KALRN: variants seen among roughly 807,000 people sequenced by gnomAD.
KALRN encodes kalirin RhoGEF kinase, also known as kalirin.
A neutral mutation model predicts 353.7 loss-of-function variants in KALRN; 70 were observed. That is an observed-to-expected ratio of 0.20 (90% CI 0.16 to 0.24). The LOEUF (loss-of-function observed/expected upper bound fraction) is 0.24, where lower values mean the gene tolerates loss of function less well. Among genes scored for constraint, KALRN ranks in the 10% least tolerant of loss-of-function variants. KALRN has a pLI of 1.00. For missense variants in KALRN, 2,791 were observed against 3,756.7 expected, an observed-to-expected ratio of 0.74 and a Z score of 6.72; for synonymous variants, 1,391 against 1,434.8, an observed-to-expected ratio of 0.97 and a Z score of 0.69.
At chr3:124,602,382 G>A (rs1004220969) in intron 34 of KALRN, among the ~76,000 whole-genome samples, 2 of 152,110 alleles carry the variant, frequency 1.3e-5, no homozygotes, top group Non-Finnish European at 2.9e-5. Context: ...GCAAGGACAG[G>A]GTTTCAACTC....
chr3:124,040,913 A>C (rs1176545055), intron 1 of KALRN, among the ~76,000 whole-genome samples: 1 of 152,220 alleles, frequency 6.6e-6, no homozygotes, highest in Non-Finnish European at 1.5e-5. Flanking sequence ...AGGGTGCCAG[A>C]GAGGCAACAT....
rs2076509292 is a variant in KALRN at position 124,292,533 on chromosome 3, C to T, written c.970-6258C>T. Among the ~76,000 whole-genome samples the T allele has an allele frequency of 2.0e-5, 3 of 152,158 alleles. No homozygotes were observed. The South Asian group carries it at 6.2e-4, about 32-fold the overall frequency. On this transcript the variant is annotated intron_variant, in intron 5 of 59. Coordinates refer to ENST00000682506, the MANE Select transcript of KALRN (RefSeq NM_001388419.1). ...AGGGACAGCAGGAAGGCACCAGTGC[C>T]CTCAGGCAGAGCCCTGAGAGGGTGT...
At chr3:124,672,148 A>T (rs1191676990) in intron 48 of KALRN, among the ~76,000 whole-genome samples, 1 of 152,092 alleles carries the variant, frequency 6.6e-6, no homozygotes, top group Non-Finnish European at 1.5e-5. Flanking sequence ...GGGTTTCACC[A>T]TGTTGGCCAG....
chr3:124,670,124 C>A (rs1435576657), intron 47 of KALRN, among the ~76,000 whole-genome samples: 1 of 152,204 alleles, frequency 6.6e-6, no homozygotes. Context: ...GTGTATGCCA[C>A]CAATACAAAA....
At chr3:124,607,761 C>T (rs1328048397) in intron 34 of KALRN, among the ~76,000 whole-genome samples, 1 of 151,866 alleles carries the variant, frequency 6.6e-6, no homozygotes, top group Non-Finnish European at 1.5e-5. Flanking sequence ...GGATTATAGA[C>T]ATGTACCACT....
Position 124,136,364 on chromosome 3 carries a change from A to T in KALRN, c.74-91626A>T, listed in dbSNP as rs1176437366. ...GTGGGCCCAAGAATTTATACTTCTC[A>T]CAAGTTCCCAGGTGATGCTGATGCT... is the stretch of plus-strand genomic sequence containing the variant. On this transcript the variant is annotated intron_variant, in intron 1 of 59. Transcript: ENST00000682506. Among the ~76,000 whole-genome samples the T allele has an allele frequency of 5.3e-5, 8 of 152,168 alleles. 1 individual carries two copies. The highest frequency in any genetic ancestry group is 1.9e-4 in the African/African-American group (8 of 41,440).
chr3:124,376,340 C>G (rs1020751836), intron 10 of KALRN, among the ~76,000 whole-genome samples: 1 of 152,210 alleles, frequency 6.6e-6, no homozygotes, highest in Non-Finnish European at 1.5e-5. Context: ...AGGGAACTTA[C>G]TTGTTCCCTT....
chr3:124,205,894 CATT>C (rs2076369974), intron 1 of KALRN, among the ~76,000 whole-genome samples: 1 of 152,102 alleles, frequency 6.6e-6, no homozygotes, highest in Admixed American at 6.5e-5. Context: ...CCCCTGTGCT[CATT>C]ATTCTGTTTC....
At chr3:124,654,578 A>G (rs2083790177) in intron 38 of KALRN, among the ~76,000 whole-genome samples, 1 of 152,230 alleles carries the variant, frequency 6.6e-6, no homozygotes, top group South Asian at 2.1e-4. Context: ...GCCCCTGTGC[A>G]CAACTTTAGC....
chr3:124,109,125 G>T (rs1169353110), intron 1 of KALRN, among the ~76,000 whole-genome samples: 2 of 152,042 alleles, frequency 1.3e-5, no homozygotes, highest in African/African-American at 2.4e-5. Context: ...GTCTGCCTAG[G>T]TTAATTAGAT....
intron 1 of KALRN, among the ~76,000 whole-genome samples, chr3:124,157,080 T>A (rs2069110278): frequency 6.6e-6 from 1 of 152,240 alleles, no homozygotes; most frequent in Admixed American, 6.5e-5. Flanking sequence ...AGATATTAGA[T>A]GCCATTAGTT....
At chr3:124,702,237 GA>G (rs1174762567) in intron 57 of KALRN, 121 bp downstream of exon 57, 6 of 556,698 alleles carry the variant, frequency 1.1e-5, no homozygotes, top group Non-Finnish European at 1.8e-5. Context: ...TCCATAGCAA[GA>G]AAAAAACTAA....
At chr3:124,623,494 A>T (rs182813704) in intron 34 of KALRN, among the ~76,000 whole-genome samples, 5 of 152,098 alleles carry the variant, frequency 3.3e-5, no homozygotes, top group Middle Eastern at 3.4e-3. Flanking sequence ...GCTGAGAAGC[A>T]AGGAGAGCCA....
chr3:124,274,861 A>G (rs1188620797), intron 5 of KALRN, among the ~76,000 whole-genome samples: 1 of 152,128 alleles, frequency 6.6e-6, no homozygotes, highest in Non-Finnish European at 1.5e-5. Context: ...TAATTTTTAA[A>G]TGCCTTCCTG....
intron 5 of KALRN, among the ~76,000 whole-genome samples, chr3:124,277,241 C>T (rs7653893): frequency 0.02 from 3,101 of 152,270 alleles, 40 homozygotes; most frequent in Middle Eastern, 0.034. Context: ...CTGTGACCTT[C>T]GGGTTGGCCA....
chr3:124,227,289 G>T (rs528596336), intron 1 of KALRN, among the ~76,000 whole-genome samples: 1 of 152,284 alleles, frequency 6.6e-6, no homozygotes, highest in Non-Finnish European at 1.5e-5. Flanking sequence ...GTTAAACAAG[G>T]TAGTGGGTAG....
intron 5 of KALRN, among the ~76,000 whole-genome samples, chr3:124,273,370 T>A (rs2074367089): frequency 6.6e-6 from 1 of 152,218 alleles, no homozygotes; most frequent in African/African-American, 2.4e-5. Context: ...AAAGGGTGGG[T>A]AGGCCAGAAG....
intron 11 of KALRN, among the ~76,000 whole-genome samples, chr3:124,390,884 A>G (rs1425767882): frequency 6.6e-6 from 1 of 151,928 alleles, no homozygotes; most frequent in African/African-American, 2.4e-5. Flanking sequence ...TGTCTTTTTC[A>G]GTTGCCGCTT....
chr3:124,384,087 T>G (rs893477356), intron 10 of KALRN, among the ~76,000 whole-genome samples: 5 of 152,192 alleles, frequency 3.3e-5, no homozygotes, highest in African/African-American at 9.7e-5. Flanking sequence ...AGGCAGTGGC[T>G]CCCATCCTGA....
Sources: gnomAD v4.1 joint callset for allele counts (sites outside exome capture counted in the v4.1 genomes callset) on GRCh38, gnomAD v4.1.1 for gene constraint, MANE v1.5 for transcripts, NCBI Gene and HGNC (gene_info 2026-07-23, HGNC 2026-07-21) for gene names.